The following ZC3H14 variants were observed in gnomAD, a reference collection of about 807,000 sequenced individuals.
ZC3H14 encodes zinc finger CCCH-type containing 14.
ZC3H14 carries 31 observed loss-of-function variants against 92.4 expected under a neutral mutation model. That is an observed-to-expected ratio of 0.34 (90% CI 0.25 to 0.45). ZC3H14 has a LOEUF of 0.45. Among genes scored for constraint, ZC3H14 ranks in the 20% least tolerant of loss-of-function variants. The pLI, the probability that ZC3H14 is intolerant of heterozygous loss-of-function variation, is 1.00. For synonymous variants in ZC3H14, 321 were observed against 300.9 expected, an observed-to-expected ratio of 1.07 and a Z score of -0.69; for missense variants, 781 against 897.3, an observed-to-expected ratio of 0.87 and a Z score of 1.66.
At chr14:88,575,528 T>C (rs1566908581) in intron 7 of ZC3H14, among the ~76,000 whole-genome samples, 1 of 151,878 alleles carries the variant, frequency 6.6e-6, no homozygotes, top group African/African-American at 2.4e-5. Context: ...CTTTGTCTCT[T>C]AAAAAAAATT....
chr14:88,581,202 T>A (rs1452311978), intron 9 of ZC3H14, among the ~76,000 whole-genome samples: 2 of 152,236 alleles, frequency 1.3e-5, no homozygotes, highest in Non-Finnish European at 2.9e-5. Context: ...GAAACATTCA[T>A]CAACCCTTAG....
intron 15 of ZC3H14, 46 bp downstream of exon 15, chr14:88,609,849 A>G (rs376230541): frequency 9.1e-5 from 144 of 1,583,222 alleles, no homozygotes; most frequent in East Asian, 8.7e-4. Flanking sequence ...CAACATCTCA[A>G]TTTCCTCATT....
At position 88,613,767 on chromosome 14, in the gene ZC3H14, C is replaced by T. The variant is rs2087179517; in HGVS notation, c.*2016C>T. ...ATAAAATGAATGGAACAAAAGGTGCCAGAAGTCCCAGGTTACACAATCAGG... is the reference window on the plus strand; with the variant it reads ...ATAAAATGAATGGAACAAAAGGTGCTAGAAGTCCCAGGTTACACAATCAGG... On this transcript the variant is annotated 3_prime_UTR_variant, in exon 17 of 17. Transcript: ENST00000251038. The T allele has an allele frequency of 6.6e-6, 1 of 152,110 alleles. No individual in the cohort carries two copies. Among genetic ancestry groups the T allele is most frequent in the South Asian group, 2.1e-4 (1 of 4,824 alleles). The allele number at this position is 152,110 out of a possible 1,614,324, so 9.4% of individuals were successfully genotyped here.
At chr14:88,605,397 T>A (rs1442039424) in intron 12 of ZC3H14, among the ~76,000 whole-genome samples, 1 of 152,126 alleles carries the variant, frequency 6.6e-6, no homozygotes, top group Non-Finnish European at 1.5e-5. Flanking sequence ...ATTGGCACAG[T>A]CATGGCTCAC....
chr14:88,586,328 T>C (rs886990978), intron 9 of ZC3H14, among the ~76,000 whole-genome samples: 1 of 152,232 alleles, frequency 6.6e-6, no homozygotes, highest in Admixed American at 6.5e-5. Flanking sequence ...TTGAAGTATT[T>C]TTGAAGTATT....
At chr14:88,567,939 A>G in intron 2 of ZC3H14, 100 bp from the exon 3 acceptor site, 1 of 949,496 alleles carries the variant, frequency 1.1e-6, no homozygotes, top group South Asian at 1.4e-5. Context: ...GAGCTCTGCG[A>G]CTCTAAAGCT....
In ZC3H14 at chr14:88,620,934, T is replaced by TAAAA. The variant is rs35953031; in HGVS notation, c.*9197_*9200dup. 10 of 1,372,372 alleles carry TAAAA rather than the reference T, an allele frequency of 7.3e-6. No individual in the cohort carries two copies. The highest frequency in any genetic ancestry group is 3.3e-5 in the Admixed American group (1 of 30,718). The allele number at this position is 1,372,372 out of a possible 1,614,324, so 85.0% of individuals were successfully genotyped here. A position where few individuals can be genotyped will look rare whatever the true frequency, so the allele number is the denominator to read the frequency against. ...CACTTTGTTTAACATCTTCTGCATT[T>TAAAA]AAAAAAAAAAAAAAAAAGAGTCATA... On this transcript the variant is annotated 3_prime_UTR_variant, in exon 17 of 17. Coordinates refer to ENST00000251038, the MANE Select transcript of ZC3H14 (RefSeq NM_024824.5). This position sits in a 1 kb window ranked among gnomAD's most constrained non-coding sequence, Gnocchi z 4.3.
chr14:88,598,051 T>C (rs557420922), intron 10 of ZC3H14, among the ~76,000 whole-genome samples: 3 of 152,196 alleles, frequency 2.0e-5, no homozygotes, highest in Non-Finnish European at 2.9e-5. Flanking sequence ...AAAGGTGGTT[T>C]TGACATTTTT....
At chr14:88,595,259 C>T (rs1278488553) in intron 9 of ZC3H14, 2 of 1,385,864 alleles carry the variant, frequency 1.4e-6, no homozygotes, top group African/African-American at 1.5e-5. Flanking sequence ...TTGGATTCTG[C>T]TTGATTTAGC....
At chr14:88,575,082 G>A (rs1467051291) in intron 7 of ZC3H14, among the ~76,000 whole-genome samples, 1 of 152,114 alleles carries the variant, frequency 6.6e-6, no homozygotes, top group African/African-American at 2.4e-5. Flanking sequence ...GATTATAGGT[G>A]TGCACTACCA....
In ZC3H14 at chr14:88,623,080, A is replaced by AT. The variant is rs2089320554; in HGVS notation, c.*11330dup. The stretch of plus-strand genomic sequence containing the variant: ...TCCCAGGCTTGAGTGCAGTGGCATG[A>AT]TCTAGGCTTATTGCAACCTCTGCCT... On this transcript the variant is annotated 3_prime_UTR_variant, in exon 17 of 17. Transcript: ENST00000251038. The AT allele has an allele frequency of 6.6e-6, 1 of 151,680 alleles. No homozygotes were observed. Among genetic ancestry groups the AT allele is most frequent in the Non-Finnish European group, 1.4e-5 (1 of 70,484 alleles). The allele number at this position is 151,680 out of a possible 1,614,324, so 9.4% of individuals were successfully genotyped here.
intron 9 of ZC3H14, chr14:88,589,783 C>G (rs971846247): frequency 1.3e-5 from 2 of 152,294 alleles, no homozygotes; most frequent in Admixed American, 1.3e-4. Context: ...GCCTCTACCT[C>G]CAGATTTATA....
intron 12 of ZC3H14, among the ~76,000 whole-genome samples, chr14:88,605,561 T>TCTC (rs1227703957): frequency 6.6e-6 from 1 of 152,226 alleles, no homozygotes; most frequent in African/African-American, 2.4e-5. Flanking sequence ...CTGAAACTCC[T>TCTC]GAGCTCAAGT....
At position 88,615,783 on chromosome 14, in the gene ZC3H14, C is replaced by G. The variant is rs369600644; in HGVS notation, c.*4032C>G. On this transcript the variant is annotated 3_prime_UTR_variant, in exon 17 of 17. Coordinates refer to ENST00000251038, the MANE Select transcript of ZC3H14 (RefSeq NM_024824.5). ...GGTTTTTCTTCTCTGTAATTCTGGTCTCAAAGTTAATTTCTGTAGTCATCT... is the reference window on the plus strand; with the variant it reads ...GGTTTTTCTTCTCTGTAATTCTGGTGTCAAAGTTAATTTCTGTAGTCATCT... The G allele has an allele frequency of 2.1e-5, 33 of 1,601,496 alleles. No individual in the cohort carries two copies. Among genetic ancestry groups the G allele is most frequent in the Non-Finnish European group, 2.8e-5 (33 of 1,173,966 alleles).
At position 88,563,644 on chromosome 14, in the gene ZC3H14, C is replaced by G; in HGVS notation, c.37-7C>G. 6.2e-7 allele frequency: 1 copy of G among 1,614,180 alleles called. No individual in the cohort carries two copies. Among genetic ancestry groups the G allele is most frequent in the Non-Finnish European group, 8.5e-7 (1 of 1,179,990 alleles). On this transcript the variant is annotated splice_region_variant and splice_polypyrimidine_tract_variant and intron_variant, in intron 1 of 16. Transcript: ENST00000251038. ...TCTCACATGCACGTTTGCTCTTTTTCTCTCAGAGTGCCATTAAGGGGAAAT... is the reference window on the plus strand; with the variant it reads ...TCTCACATGCACGTTTGCTCTTTTTGTCTCAGAGTGCCATTAAGGGGAAAT...
intron 1 of ZC3H14, 66 bp downstream of exon 1, chr14:88,563,235 C>T (rs1382889201): frequency 3.8e-6 from 6 of 1,566,044 alleles, no homozygotes; most frequent in Middle Eastern, 3.5e-4. Context: ...TCAGGAGTAA[C>T]GGGGACTGTG....
rs1282061808 is a variant in ZC3H14 at position 88,624,880 on chromosome 14, G to A, written c.*13129G>A. On this transcript the variant is annotated 3_prime_UTR_variant, in exon 17 of 17. Transcript: ENST00000251038. The stretch of plus-strand genomic sequence containing the variant: ...GGAGGAAGGTCGGAGAGGACACTCT[G>A]TGTAGCCTAGAAACAACTAGAATAA... 9 of 1,453,548 alleles carry A rather than the reference G, an allele frequency of 6.2e-6. No homozygotes were observed. The African/African-American group carries it at 1.1e-4, about 18-fold the overall frequency. The allele number at this position is 1,453,548 out of a possible 1,614,324, so 90.0% of individuals were successfully genotyped here.
intron 9 of ZC3H14, among the ~76,000 whole-genome samples, chr14:88,594,075 C>T (rs188775269): frequency 3.9e-5 from 6 of 152,068 alleles, no homozygotes; most frequent in African/African-American, 1.2e-4. Flanking sequence ...GTGTGGATCA[C>T]GGGTCCAGTT....
rs556878104 is a variant in ZC3H14, at chr14:88,577,789, C to CA, written c.1124-193dup. 3.4e-4 allele frequency among the ~76,000 whole-genome samples: 51 copies of CA among 152,206 alleles called. No homozygotes were observed. In the East Asian group the frequency reaches 8.5e-3, roughly 25 times the overall value. ...TTTACCATGTTGGCCAGGCTGGTCT[C>CA]AAACTCCTGACCTCAAGTGATCCAC... On this transcript the variant is annotated intron_variant, in intron 8 of 16. Coordinates refer to ENST00000251038, the MANE Select transcript of ZC3H14 (RefSeq NM_024824.5).
Sources: allele counts gnomAD v4.1 joint callset (sites outside exome capture counted in the v4.1 genomes callset), GRCh38; gene constraint gnomAD v4.1.1; non-coding constraint Gnocchi (gnomAD v3.1); transcripts MANE v1.5; gene names NCBI Gene and HGNC (gene_info 2026-07-23, HGNC 2026-07-21).